ANKRD11: variants seen among roughly 807,000 people sequenced by gnomAD.
ANKRD11 encodes the protein ankyrin repeat domain 11, also known as ankyrin repeat domain-containing protein 11.
Under a neutral mutation model 195.7 loss-of-function variants are expected in ANKRD11, and 17 were observed. The observed-to-expected ratio is 0.09, with a 90% CI of 0.06 to 0.13. The LOEUF is 0.13. ANKRD11 is among the 10% of genes least tolerant of loss of function. The pLI, the probability that ANKRD11 is intolerant of heterozygous loss-of-function variation, is 1.00. For missense variants in ANKRD11, 3,735 were observed against 3,566.1 expected, an observed-to-expected ratio of 1.05 and a Z score of -1.21; for synonymous variants, 1,953 against 1,528.1, an observed-to-expected ratio of 1.28 and a Z score of -6.49.
chr16:89,372,693 G>A (rs1397004511), intron 2 of ANKRD11, among the ~76,000 whole-genome samples: 5 of 152,090 alleles, frequency 3.3e-5, no homozygotes, highest in Admixed American at 2.0e-4. Flanking sequence ...GGATCAACCC[G>A]AGCTGGTCAA....
At chr16:89,278,441 G>T in intron 9 of ANKRD11, 1 of 439,904 alleles carries the variant, frequency 2.3e-6, no homozygotes, top group Non-Finnish European at 4.6e-6. Flanking sequence ...CAGACGTAGC[G>T]CAAGGAGCTG....
intron 2 of ANKRD11, among the ~76,000 whole-genome samples, chr16:89,335,954 G>A (rs898860294): frequency 1.3e-5 from 2 of 152,230 alleles, no homozygotes; most frequent in Non-Finnish European, 1.5e-5. Flanking sequence ...ACATGACCGT[G>A]CAACATGCTT....
intron 1 of ANKRD11, among the ~76,000 whole-genome samples, chr16:89,436,796 G>A (rs1462526397): frequency 2.0e-5 from 3 of 152,162 alleles, no homozygotes; most frequent in Non-Finnish European, 4.4e-5. Flanking sequence ...TAACTGTGAG[G>A]GAATTAATAA....
At chr16:89,318,087 G>A (rs1047194505) in intron 2 of ANKRD11, among the ~76,000 whole-genome samples, 3 of 152,124 alleles carry the variant, frequency 2.0e-5, no homozygotes, top group Admixed American at 6.5e-5. Context: ...GGCCTTCCCC[G>A]AGCCCCTGCT....
chr16:89,280,825 G>A lies in ANKRD11; in HGVS notation c.5717C>T (p.Ala1906Val). 1 of 1,601,794 alleles carries A rather than the reference G, an allele frequency of 6.2e-7. No homozygotes were observed. The highest frequency in any genetic ancestry group is 8.5e-7 in the Non-Finnish European group (1 of 1,170,738). ...AELLVPSLEG[A>V]LPPDLDTSED... ...GGAGGTGTCCAGGTCCGGGGGAAGG[G>A]CCCCTTCGAGGGAAGGAACCAGCAG... is the stretch of plus-strand genomic sequence containing the variant. Residue 1906 changes from alanine to valine, a missense_variant, in exon 9 of 13, where the codon GCC becomes GTC. Ala to Val is a moderately conservative substitution (Grantham distance 64, BLOSUM62 0). Coordinates refer to ENST00000301030, the MANE Select transcript of ANKRD11 (RefSeq NM_013275.6).
chr16:89,385,977 C>T (rs1390365928), intron 2 of ANKRD11, among the ~76,000 whole-genome samples: 1 of 152,244 alleles, frequency 6.6e-6, no homozygotes, highest in African/African-American at 2.4e-5. Context: ...AACTCCCTGG[C>T]TCAAGCCGGC....
chr16:89,311,217 C>G (rs1037901061), intron 3 of ANKRD11, among the ~76,000 whole-genome samples: 3 of 152,182 alleles, frequency 2.0e-5, no homozygotes, highest in African/African-American at 7.2e-5. Context: ...ACCTTGAATT[C>G]TTGGAATCAA....
rs144145635 is a variant in ANKRD11, at chr16:89,356,706, G to A, written c.-59-39628C>T. Among the ~76,000 whole-genome samples, 504 of 150,674 alleles carry A rather than the reference G, an allele frequency of 3.3e-3. 3 individuals are homozygous for A. Among genetic ancestry groups the A allele is most frequent in the African/African-American group, 0.012 (483 of 40,928 alleles). On this transcript the variant is annotated intron_variant, in intron 2 of 12. Transcript: ENST00000301030. ...TGAGGCAGGAGAATGGTATGAACCC[G>A]GGAGGCCGAGCTTGCAGTGAGCCAA...
At chr16:89,385,492 G>C (rs1390953160) in intron 2 of ANKRD11, among the ~76,000 whole-genome samples, 1 of 151,946 alleles carries the variant, frequency 6.6e-6, no homozygotes, top group African/African-American at 2.4e-5. Context: ...CCGGGCAGAG[G>C]GAAGGGCGCC....
At chr16:89,278,649 T>G (rs922205747) in intron 9 of ANKRD11, 1 of 456,406 alleles carries the variant, frequency 2.2e-6, no homozygotes, top group Admixed American at 2.4e-5. Flanking sequence ...CGTGCAGGTA[T>G]GGAGGCTCAG....
At chr16:89,337,815 C>A (rs1162038953) in intron 2 of ANKRD11, among the ~76,000 whole-genome samples, 3 of 152,164 alleles carry the variant, frequency 2.0e-5, no homozygotes, top group African/African-American at 7.2e-5. Context: ...CCAAGTCGCA[C>A]GAGCAAGGCT....
In ANKRD11 at chr16:89,286,107, T is replaced by C. The variant is rs138723232; in HGVS notation, c.824A>G (p.Asn275Ser). Residue 275 changes from asparagine (N) to serine (S), a missense_variant, in exon 8 of 13, where the codon AAC becomes AGC. By Grantham distance (46) the Asn-to-Ser change is conservative. Coordinates refer to ENST00000301030, the MANE Select transcript of ANKRD11 (RefSeq NM_013275.6). The stretch of plus-strand genomic sequence containing the variant: ...CAGGAGGTTCACCATCGTGGGGGAG[T>C]TGGCCACTTTCAGCGGCGTCTCGCC... ...RKGETPLKVA[N>S]SPTMVNLLLG... 202 of 1,614,012 alleles carry C rather than the reference T, an allele frequency of 1.3e-4. 1 individual carries two copies. The Middle Eastern group carries it at 3.6e-3, about 29-fold the overall frequency.
intron 9 of ANKRD11, chr16:89,277,697 C>T (rs960840303): frequency 6.6e-6 from 1 of 152,284 alleles, no homozygotes; most frequent in Non-Finnish European, 1.5e-5. Context: ...CAGAGGTCAC[C>T]GTGGGTGCAG....
At chr16:89,320,211 CCT>C (rs2037220792) in intron 2 of ANKRD11, 1 of 152,228 alleles carries the variant, frequency 6.6e-6, no homozygotes, top group African/African-American at 2.4e-5. Flanking sequence ...TTCCGCAGCC[CCT>C]GTGCCTTCTC....
intron 1 of ANKRD11, among the ~76,000 whole-genome samples, chr16:89,442,813 G>A (rs867043023): frequency 5.3e-5 from 8 of 152,220 alleles, no homozygotes; most frequent in Middle Eastern, 3.4e-3. Context: ...ACCCCATCAC[G>A]GCCTGGTGAG....
At chr16:89,430,866 A>C (rs1433881664) in intron 1 of ANKRD11, among the ~76,000 whole-genome samples, 2 of 152,102 alleles carry the variant, frequency 1.3e-5, no homozygotes, top group Non-Finnish European at 2.9e-5. Flanking sequence ...GAGAATCATC[A>C]TGTTCGTCAG....
At chr16:89,406,512 C>T (rs1332466554) in intron 2 of ANKRD11, among the ~76,000 whole-genome samples, 1 of 152,186 alleles carries the variant, frequency 6.6e-6, no homozygotes, top group East Asian at 1.9e-4. Flanking sequence ...GTTGGCCATG[C>T]CCGGTGTCAG....
intron 2 of ANKRD11, among the ~76,000 whole-genome samples, chr16:89,329,423 A>G (rs2037929433): frequency 6.6e-6 from 1 of 152,192 alleles, no homozygotes; most frequent in Non-Finnish European, 1.5e-5. Context: ...AAAAAACACA[A>G]GGGGTGTAAG....
intron 2 of ANKRD11, among the ~76,000 whole-genome samples, chr16:89,341,183 G>A (rs1023166455): frequency 2.0e-5 from 3 of 152,220 alleles, no homozygotes; most frequent in African/African-American, 7.2e-5. Context: ...TTTCTAAGGT[G>A]AATGAGATGG....
Sources: allele counts gnomAD v4.1 joint callset (sites outside exome capture counted in the v4.1 genomes callset), GRCh38; gene constraint gnomAD v4.1.1; transcripts MANE v1.5; gene names NCBI Gene and HGNC (gene_info 2026-07-23, HGNC 2026-07-21).